CTNND2: variants seen among roughly 807,000 people sequenced by gnomAD.
CTNND2 encodes catenin delta 2, also known as catenin delta-2.
CTNND2 carries 22 observed loss-of-function variants against 144.4 expected under a neutral mutation model. That is an observed-to-expected ratio of 0.15 (90% confidence interval 0.11 to 0.22). CTNND2 has a LOEUF of 0.22. Among genes scored for constraint, CTNND2 ranks in the 10% least tolerant of loss-of-function variants. The probability of loss-of-function intolerance (pLI) is 1.00; values close to 1 mark genes in which losing one functional copy is unlikely to be tolerated. For missense variants in CTNND2, 1,353 were observed against 1,618.8 expected (o/e 0.84, Z 2.82); for synonymous variants, 751 against 695.6 (o/e 1.08, Z -1.25).
At chr5:11,167,870 T>G (rs1759499978) in intron 11 of CTNND2, among the ~76,000 whole-genome samples, 1 of 144,844 alleles carries the variant, frequency 6.9e-6, no homozygotes, top group South Asian at 2.2e-4. Flanking sequence ...ATACCTGACT[T>G]TTTTTTTTTT....
At chr5:11,426,455 C>G (rs1282709557) in intron 3 of CTNND2, among the ~76,000 whole-genome samples, 1 of 152,182 alleles carries the variant, frequency 6.6e-6, no homozygotes, top group Non-Finnish European at 1.5e-5. Flanking sequence ...ACAACTCTAT[C>G]TTTGAGCTTA....
chr5:11,152,144 T>C (rs899429354), intron 12 of CTNND2, among the ~76,000 whole-genome samples: 1 of 152,164 alleles, frequency 6.6e-6, no homozygotes, highest in African/African-American at 2.4e-5. Flanking sequence ...AGGAATATTG[T>C]CTTCTGAGGC....
intron 1 of CTNND2, among the ~76,000 whole-genome samples, chr5:11,766,723 G>A (rs1049573170): frequency 2.6e-5 from 4 of 152,098 alleles, no homozygotes; most frequent in Admixed American, 6.5e-5. Context: ...GAGTCTCATC[G>A]AAGTCATGGA....
At chr5:11,082,997 T>C (rs1265046024) in intron 15 of CTNND2, 151 bp from the exon 16 acceptor site, 19 of 859,786 alleles carry the variant, frequency 2.2e-5, no homozygotes, top group African/African-American at 3.4e-5. Context: ...ACGTTAGACA[T>C]GCATTTAAAC....
intron 2 of CTNND2, among the ~76,000 whole-genome samples, chr5:11,665,564 A>G (rs115443187): frequency 1.2e-3 from 185 of 152,318 alleles, no homozygotes; most frequent in Middle Eastern, 6.8e-3. Flanking sequence ...ATTTGGTTTT[A>G]CAATTCAATG....
chr5:11,417,669 T>C (rs2149846280), intron 3 of CTNND2, among the ~76,000 whole-genome samples: 1 of 152,108 alleles, frequency 6.6e-6, no homozygotes, highest in East Asian at 1.9e-4. Context: ...GGGGAAGAAA[T>C]GGGGAAGTAA....
intron 3 of CTNND2, among the ~76,000 whole-genome samples, chr5:11,564,115 G>C (rs936678105): frequency 1.3e-5 from 2 of 152,194 alleles, no homozygotes; most frequent in African/African-American, 4.8e-5. Flanking sequence ...GAAGAAGTAG[G>C]CTTAGTTGGC....
rs188600895 is a variant in CTNND2 at position 11,423,235 on chromosome 5, C to T, written c.288-11166G>A. On this transcript the variant is annotated intron_variant, in intron 3 of 21. Transcript: ENST00000304623. Reference sequence around the variant, plus strand: ...TAGTTTGTGTGCTTGGTGTATACTGCGGCATTCTATATGCCACAATGATAC... The same window carrying T: ...TAGTTTGTGTGCTTGGTGTATACTGTGGCATTCTATATGCCACAATGATAC... Among the ~76,000 whole-genome samples the T allele has an allele frequency of 2.7e-3, 416 of 152,288 alleles. 2 individuals are homozygous for T. Among genetic ancestry groups the T allele is most frequent in the Middle Eastern group, 3.4e-3 (1 of 294 alleles).
intron 9 of CTNND2, among the ~76,000 whole-genome samples, chr5:11,314,468 G>A (rs1225943262): frequency 6.6e-6 from 1 of 152,108 alleles, no homozygotes; most frequent in African/African-American, 2.4e-5. Flanking sequence ...CTATCCCCCT[G>A]CCTCAGTCTC....
At chr5:11,857,841 G>A (rs1458213029) in intron 1 of CTNND2, among the ~76,000 whole-genome samples, 1 of 152,180 alleles carries the variant, frequency 6.6e-6, no homozygotes, top group African/African-American at 2.4e-5. Flanking sequence ...TACATAACAT[G>A]ATATATTATG....
intron 1 of CTNND2, among the ~76,000 whole-genome samples, chr5:11,789,571 T>C (rs1181532374): frequency 6.6e-6 from 1 of 152,194 alleles, no homozygotes; most frequent in African/African-American, 2.4e-5. Flanking sequence ...GATTTTTGTA[T>C]TTTGAGATTT....
intron 5 of CTNND2, among the ~76,000 whole-genome samples, chr5:11,406,512 C>T (rs1232619225): frequency 6.6e-6 from 1 of 152,142 alleles, no homozygotes; most frequent in African/African-American, 2.4e-5. Flanking sequence ...TCATGCTTAA[C>T]ACGAATTATG....
intron 5 of CTNND2, 127 bp downstream of exon 5, chr5:11,411,409 T>C: frequency 1.6e-6 from 1 of 644,536 alleles, no homozygotes. Flanking sequence ...GTGAAATGGA[T>C]AAAACAAGTA....
intron 9 of CTNND2, among the ~76,000 whole-genome samples, chr5:11,244,915 A>G (rs936832061): frequency 5.3e-5 from 8 of 152,204 alleles, no homozygotes; most frequent in Non-Finnish European, 1.0e-4. Context: ...CTCATATAAA[A>G]TTTGTATTAT....
At chr5:11,834,418 A>G (rs1210378108) in intron 1 of CTNND2, among the ~76,000 whole-genome samples, 2 of 152,198 alleles carry the variant, frequency 1.3e-5, no homozygotes, top group African/African-American at 4.8e-5. Context: ...TCTGAATATA[A>G]ATACAAAAAA....
chr5:10,978,992 C>T (rs1029926651), intron 21 of CTNND2, among the ~76,000 whole-genome samples: 1 of 152,104 alleles, frequency 6.6e-6, no homozygotes, highest in Admixed American at 6.5e-5. Flanking sequence ...TGCCAGAGAC[C>T]CCTGGCCATG....
At chr5:11,560,532 C>T (rs1208238383) in intron 3 of CTNND2, among the ~76,000 whole-genome samples, 1 of 152,212 alleles carries the variant, frequency 6.6e-6, no homozygotes, top group Non-Finnish European at 1.5e-5. Context: ...GAAATCCCTA[C>T]CCATTCTTTG....
chr5:11,229,288 T>A (rs115353071), intron 10 of CTNND2, among the ~76,000 whole-genome samples: 1,949 of 152,350 alleles, frequency 0.013, 28 homozygotes, highest in African/African-American at 0.037. Context: ...ATTTTCCAAT[T>A]ATTTGAACAT....
At chr5:11,308,126 C>G (rs1173571577) in intron 9 of CTNND2, among the ~76,000 whole-genome samples, 2 of 152,148 alleles carry the variant, frequency 1.3e-5, no homozygotes, top group African/African-American at 4.8e-5. Flanking sequence ...TGTAAGGCAC[C>G]CAGTTTGTGG....
Sources: gnomAD v4.1 joint callset for allele counts (sites outside exome capture counted in the v4.1 genomes callset) on GRCh38, gnomAD v4.1.1 for gene constraint, MANE v1.5 for transcripts, NCBI Gene and HGNC (gene_info 2026-07-23, HGNC 2026-07-21) for gene names.